The following WAPL variants were observed in gnomAD, a reference collection of about 807,000 sequenced individuals.
WAPL encodes the protein wings apart-like protein homolog.
In WAPL, 5 loss-of-function variants were observed where a neutral mutation model predicts 121.0. The ratio of observed to expected loss-of-function variants is 0.04; its 90% confidence interval spans 0.02 to 0.09. The LOEUF (loss-of-function observed/expected upper bound fraction) is 0.09, where lower values mean the gene tolerates loss of function less well. Ranked by LOEUF, WAPL falls within the 10% of genes least tolerant of loss-of-function variation. WAPL has a pLI of 1.00. For synonymous variants in WAPL, 480 were observed against 481.5 expected, an observed-to-expected ratio of 1.00 and a Z score of 0.04; for missense variants, 999 against 1,410.8, an observed-to-expected ratio of 0.71 and a Z score of 4.68.
At position 86,521,536 on chromosome 10, in the gene WAPL, G is replaced by A. The variant is rs1214303527; in HGVS notation, c.-194C>T. On this transcript the variant is annotated 5_prime_UTR_variant, in exon 1 of 19. Transcript: ENST00000298767. ...ATAGGAAGCCCGGTTGGGGGGGCAG[G>A]AGCGGCGGCCCCGCAACTTCCCTCC... 2 of 372,544 alleles carry A rather than the reference G, an allele frequency of 5.4e-6. No individual in the cohort carries two copies. The highest frequency in any genetic ancestry group is 4.1e-5 in the Admixed American group (1 of 24,354). 23.1% of individuals were successfully genotyped at this position (372,544 alleles called of 1,614,324 possible). A position where few individuals can be genotyped will look rare whatever the true frequency, so the allele number is the denominator to read the frequency against.
Position 86,472,460 on chromosome 10 carries a change from T to C in WAPL, c.1894-116A>G. On this transcript the variant is annotated intron_variant, in intron 6 of 18. Coordinates refer to ENST00000298767, the MANE Select transcript of WAPL (RefSeq NM_015045.5). This position sits in a 1 kb window ranked among gnomAD's most constrained non-coding sequence, Gnocchi z 4.2. ...ATAGTTCATTAGATGGCAACAAAAA[T>C]ATTTTTAGAACAAGGATGATGGTAG... 1 of 1,503,926 alleles carries C rather than the reference T, an allele frequency of 6.6e-7. No homozygotes were observed. The highest frequency in any genetic ancestry group is 1.4e-5 in the African/African-American group (1 of 70,602). The allele number at this position is 1,503,926 out of a possible 1,614,324, so 93.2% of individuals were successfully genotyped here. A position where few individuals can be genotyped will look rare whatever the true frequency, so the allele number is the denominator to read the frequency against.
intron 9 of WAPL, among the ~76,000 whole-genome samples, chr10:86,463,922 G>T (rs905490154): frequency 1.3e-5 from 2 of 152,172 alleles, no homozygotes; most frequent in Non-Finnish European, 2.9e-5. Context: ...GCAACAGGCT[G>T]TACCACATAG....
chr10:86,464,223 T>G (rs926665234), intron 9 of WAPL, among the ~76,000 whole-genome samples: 1 of 152,154 alleles, frequency 6.6e-6, no homozygotes, highest in Admixed American at 6.5e-5. Context: ...CTAACATTAG[T>G]GGGGAAAAGA....
At chr10:86,467,601 G>T in intron 8 of WAPL, 95 bp from the exon 9 acceptor site, 1 of 918,842 alleles carries the variant, frequency 1.1e-6, no homozygotes, top group Non-Finnish European at 1.6e-6. Flanking sequence ...TTGTTTACAA[G>T]TTAATGCTTA....
chr10:86,483,346 C>A (rs150304092), intron 4 of WAPL, among the ~76,000 whole-genome samples: 2 of 151,330 alleles, frequency 1.3e-5, no homozygotes, highest in Non-Finnish European at 2.9e-5. Flanking sequence ...CTTGAACCTG[C>A]GAGGCGGAGG....
chr10:86,490,490 A>G (rs1340858809), intron 4 of WAPL, among the ~76,000 whole-genome samples: 1 of 152,134 alleles, frequency 6.6e-6, no homozygotes, highest in Non-Finnish European at 1.5e-5. Flanking sequence ...TTACTCCAAC[A>G]TTAAGTTCAT....
At chr10:86,441,201 T>A (rs147595251) in intron 17 of WAPL, among the ~76,000 whole-genome samples, 1 of 152,198 alleles carries the variant, frequency 6.6e-6, no homozygotes, top group Non-Finnish European at 1.5e-5. Flanking sequence ...AATCCACCTA[T>A]GCCCAACCCC....
At chr10:86,457,770 C>T (rs1300401771) in intron 12 of WAPL, among the ~76,000 whole-genome samples, 1 of 152,016 alleles carries the variant, frequency 6.6e-6, no homozygotes, top group South Asian at 2.1e-4. Context: ...AAATTTGAGA[C>T]TACTGAAAAT....
chr10:86,463,063 T>G (rs544773557), intron 9 of WAPL, among the ~76,000 whole-genome samples: 4 of 152,252 alleles, frequency 2.6e-5, no homozygotes, highest in Non-Finnish European at 5.9e-5. Context: ...AACAGCCTAC[T>G]AATCAAGCAT....
At chr10:86,473,387 TATG>T (rs1395511324) in intron 5 of WAPL, among the ~76,000 whole-genome samples, 2 of 152,200 alleles carry the variant, frequency 1.3e-5, no homozygotes, top group Non-Finnish European at 2.9e-5. Flanking sequence ...AGAAATCATG[TATG>T]ATATTACCAG....
chr10:86,461,665 G>A (rs1479293050), intron 9 of WAPL, among the ~76,000 whole-genome samples: 4 of 152,214 alleles, frequency 2.6e-5, no homozygotes, highest in Non-Finnish European at 5.9e-5. Context: ...CAGGAGCAAA[G>A]TGTGGGAGTG....
At chr10:86,470,738 T>C (rs1267145379) in intron 8 of WAPL, among the ~76,000 whole-genome samples, 1 of 152,204 alleles carries the variant, frequency 6.6e-6, no homozygotes, top group African/African-American at 2.4e-5. Context: ...ATATACTACA[T>C]TAGCTAAGAT....
chr10:86,440,092 CT>C (rs1849423676), intron 17 of WAPL, among the ~76,000 whole-genome samples: 1 of 152,096 alleles, frequency 6.6e-6, no homozygotes, highest in East Asian at 1.9e-4. Context: ...AGAACATTCT[CT>C]TTTTAGAGAC....
intron 4 of WAPL, among the ~76,000 whole-genome samples, chr10:86,480,389 T>C (rs1462548853): frequency 6.6e-6 from 1 of 152,232 alleles, no homozygotes; most frequent in Non-Finnish European, 1.5e-5. Context: ...TAGCATAACT[T>C]GGTCATAAGT....
chr10:86,472,136 T>C lies in WAPL; in HGVS notation c.2030+72A>G. Reference sequence around the variant, plus strand: ...AACAAAATAAAAAATGTTTGGCTTTTTGGACAACACCTAGTTGAAAAAATT... The same window carrying C: ...AACAAAATAAAAAATGTTTGGCTTTCTGGACAACACCTAGTTGAAAAAATT... On this transcript the variant is annotated intron_variant, in intron 7 of 18. Coordinates refer to ENST00000298767, the MANE Select transcript of WAPL (RefSeq NM_015045.5). This position sits in a 1 kb window ranked among gnomAD's most constrained non-coding sequence, Gnocchi z 4.2. 7.0e-7 allele frequency: 1 copy of C among 1,437,640 alleles called. No individual in the cohort carries two copies. The highest frequency in any genetic ancestry group is 9.2e-7 in the Non-Finnish European group (1 of 1,086,214). 89.1% of individuals were successfully genotyped at this position (1,437,640 alleles called of 1,614,324 possible). A position where few individuals can be genotyped will look rare whatever the true frequency, so the allele number is the denominator to read the frequency against.
At chr10:86,455,191 C>T (rs897728344) in intron 12 of WAPL, among the ~76,000 whole-genome samples, 2 of 152,318 alleles carry the variant, frequency 1.3e-5, no homozygotes, top group African/African-American at 4.8e-5. Context: ...GAGGTGTACC[C>T]AACAGCTCAC....
chr10:86,453,435 G>T, intron 13 of WAPL, 100 bp from the exon 14 acceptor site: 1 of 1,312,062 alleles, frequency 7.6e-7, no homozygotes, highest in Non-Finnish European at 1.1e-6. Context: ...GAATTGTATA[G>T]TCATTCCTCT....
chr10:86,518,854 C>G (rs74770608), intron 1 of WAPL, among the ~76,000 whole-genome samples: 10,144 of 152,202 alleles, frequency 0.067, 640 homozygotes, highest in East Asian at 0.37. Context: ...TTAACCCAAT[C>G]TTGAAGATTC....
Position 86,521,401 on chromosome 10 carries a change from C to G in WAPL, c.-59G>C. 1 of 296,134 alleles carries G rather than the reference C, an allele frequency of 3.4e-6. No homozygotes were observed. 18.3% of individuals were successfully genotyped at this position (296,134 alleles called of 1,614,324 possible). On this transcript the variant is annotated 5_prime_UTR_variant, in exon 1 of 19. Transcript: ENST00000298767. Reference sequence around the variant, plus strand: ...GGCGGGTGCTTTGGCCACGGGCCGCCTCCGCCTCTCCCGCTCCCTACGGCC... The same window carrying G: ...GGCGGGTGCTTTGGCCACGGGCCGCGTCCGCCTCTCCCGCTCCCTACGGCC...
Sources: gnomAD v4.1 joint callset for allele counts (sites outside exome capture counted in the v4.1 genomes callset) on GRCh38, gnomAD v4.1.1 for gene constraint, Gnocchi (gnomAD v3.1) non-coding constraint, MANE v1.5 for transcripts, NCBI Gene and HGNC (gene_info 2026-07-23, HGNC 2026-07-21) for gene names.